SCFD2: variants seen among roughly 807,000 people sequenced by gnomAD.
The protein encoded by SCFD2 is sec1 family domain-containing protein 2.
In SCFD2, 54 loss-of-function variants were observed where a neutral mutation model predicts 58.9. That is an observed-to-expected ratio of 0.92 (90% confidence interval 0.74 to 1.15). The LOEUF (loss-of-function observed/expected upper bound fraction) is 1.15, where lower values mean the gene tolerates loss of function less well. Among genes scored for constraint, SCFD2 ranks in the 50% most tolerant of loss-of-function variants. The pLI is 0.00. For synonymous variants in SCFD2, 321 were observed against 335.9 expected, an observed-to-expected ratio of 0.96 and a Z score of 0.49; for missense variants, 805 against 836.6, an observed-to-expected ratio of 0.96 and a Z score of 0.47.
intron 3 of SCFD2, among the ~76,000 whole-genome samples, chr4:53,290,470 T>C (rs1026093687): frequency 8.5e-5 from 13 of 152,054 alleles, no homozygotes; most frequent in Non-Finnish European, 1.8e-4. Context: ...GGTGAAGCAA[T>C]AGCAGTTCTA....
chr4:53,094,995 G>C (rs1220375790), intron 5 of SCFD2, among the ~76,000 whole-genome samples: 1 of 152,008 alleles, frequency 6.6e-6, no homozygotes, highest in Non-Finnish European at 1.5e-5. Flanking sequence ...CTTTTACTTG[G>C]CTTTAAAGAC....
chr4:53,164,896 C>A (rs1726963019), intron 4 of SCFD2, among the ~76,000 whole-genome samples: 1 of 151,786 alleles, frequency 6.6e-6, no homozygotes, highest in South Asian at 2.1e-4. Flanking sequence ...CTAGAAAGAA[C>A]TAACAGATAA....
rs541440123 is a variant in SCFD2 at position 53,318,094 on chromosome 4, G to T, written c.1008-4331C>A. ...TATGAAAAGGTCAACAATAGATAAT[G>T]TAGAATTCATACACACTGAAAACTC... On this transcript the variant is annotated intron_variant, in intron 2 of 8. Coordinates refer to ENST00000401642, the MANE Select transcript of SCFD2 (RefSeq NM_152540.4). 3.2e-4 allele frequency among the ~76,000 whole-genome samples: 49 copies of T among 152,274 alleles called. 1 individual carries two copies. In the South Asian group the frequency reaches 9.9e-3, roughly 31 times the overall value.
chr4:53,036,118 G>A (rs1722753254), intron 5 of SCFD2, among the ~76,000 whole-genome samples: 1 of 151,854 alleles, frequency 6.6e-6, no homozygotes, highest in Admixed American at 6.6e-5. Context: ...GTGCAGGTTT[G>A]TTACATAGGT....
At chr4:53,211,620 G>A (rs1183157119) in intron 4 of SCFD2, among the ~76,000 whole-genome samples, 1 of 152,036 alleles carries the variant, frequency 6.6e-6, no homozygotes, top group African/African-American at 2.4e-5. Flanking sequence ...ATATCTCTGG[G>A]TAGATAGTGT....
chr4:52,886,533 C>T (rs190850947), intron 7 of SCFD2, among the ~76,000 whole-genome samples: 10 of 152,360 alleles, frequency 6.6e-5, no homozygotes, highest in Non-Finnish European at 1.5e-4. Context: ...AGCCAGTGCA[C>T]AAGCCAGGTA....
chr4:53,006,332 C>T (rs558019854), intron 5 of SCFD2, among the ~76,000 whole-genome samples: 4 of 152,204 alleles, frequency 2.6e-5, no homozygotes, highest in Non-Finnish European at 5.9e-5. Context: ...TCTACCATAG[C>T]TCTCTGAAGC....
At chr4:52,988,911 A>C (rs1721558781) in intron 5 of SCFD2, among the ~76,000 whole-genome samples, 1 of 152,194 alleles carries the variant, frequency 6.6e-6, no homozygotes, top group South Asian at 2.1e-4. Flanking sequence ...ATGTATGACT[A>C]TTTGCTGTTG....
chr4:53,046,040 A>G (rs1723029422), intron 5 of SCFD2, among the ~76,000 whole-genome samples: 1 of 152,132 alleles, frequency 6.6e-6, no homozygotes. Flanking sequence ...GAGGCTACAC[A>G]CAGCTATGAA....
At chr4:53,261,116 C>T (rs1730815966) in intron 4 of SCFD2, among the ~76,000 whole-genome samples, 2 of 152,052 alleles carry the variant, frequency 1.3e-5, no homozygotes, top group Admixed American at 6.6e-5. Context: ...CGTCTTTCTT[C>T]TTTTCTTGGT....
chr4:53,322,626 CTG>C (rs1179577353), intron 2 of SCFD2, among the ~76,000 whole-genome samples: 15 of 152,272 alleles, frequency 9.9e-5, no homozygotes, highest in African/African-American at 2.9e-4. Context: ...ATAAGAAAGA[CTG>C]TTTTTCATAT....
chr4:53,112,654 G>C (rs969597326), intron 5 of SCFD2, among the ~76,000 whole-genome samples: 13 of 152,078 alleles, frequency 8.5e-5, no homozygotes, highest in African/African-American at 3.1e-4. Flanking sequence ...TGAATCACTG[G>C]TTTGCCACTC....
chr4:53,094,803 T>G (rs1724570926), intron 5 of SCFD2, among the ~76,000 whole-genome samples: 1 of 151,940 alleles, frequency 6.6e-6, no homozygotes, highest in South Asian at 2.1e-4. Flanking sequence ...TTCCAAAGAG[T>G]TGTCCATATT....
intron 7 of SCFD2, 144 bp from the exon 8 acceptor site, chr4:52,886,010 G>A: frequency 1.0e-6 from 1 of 992,152 alleles, no homozygotes. Flanking sequence ...TAGGCAGACA[G>A]GGGTGGGTCC....
chr4:52,964,633 A>T (rs1720920396), intron 5 of SCFD2, among the ~76,000 whole-genome samples: 1 of 152,158 alleles, frequency 6.6e-6, no homozygotes, highest in Non-Finnish European at 1.5e-5. Flanking sequence ...AATATAGTCA[A>T]CTACTACAAT....
chr4:53,046,910 G>A (rs759275752), intron 5 of SCFD2, among the ~76,000 whole-genome samples: 3 of 152,112 alleles, frequency 2.0e-5, no homozygotes, highest in Admixed American at 6.6e-5. Flanking sequence ...GACCTCAGGT[G>A]ATCCACCTGC....
intron 5 of SCFD2, among the ~76,000 whole-genome samples, chr4:53,022,413 G>A (rs748679420): frequency 1.8e-4 from 27 of 152,106 alleles, no homozygotes; most frequent in Admixed American, 2.6e-4. Context: ...TAAAAATAAC[G>A]TGTGTTCCAA....
At chr4:52,910,166 A>ATTAAGGT (rs1281083324) in intron 6 of SCFD2, among the ~76,000 whole-genome samples, 5 of 152,260 alleles carry the variant, frequency 3.3e-5, no homozygotes, top group Non-Finnish European at 5.9e-5. Context: ...TAGCCATGTA[A>ATTAAGGT]TTAAGGTTTG....
At position 53,045,217 on chromosome 4, in the gene SCFD2, A is replaced by T. The variant is rs371394622; in HGVS notation, c.1561+100116T>A. On this transcript the variant is annotated intron_variant, in intron 5 of 8. Coordinates refer to ENST00000401642, the MANE Select transcript of SCFD2 (RefSeq NM_152540.4). Reference sequence around the variant, plus strand: ...GTTTCCTTTGTACGAGGTTTTACTAATATTGTTGCTTTTGATTGCATACAC... The same window carrying T: ...GTTTCCTTTGTACGAGGTTTTACTATTATTGTTGCTTTTGATTGCATACAC... Among the ~76,000 whole-genome samples, 18 of 152,264 alleles carry T rather than the reference A, an allele frequency of 1.2e-4. 1 individual carries two copies. The South Asian group carries it at 2.1e-3, about 18-fold the overall frequency.
Sources: allele counts gnomAD v4.1 joint callset (sites outside exome capture counted in the v4.1 genomes callset), GRCh38; gene constraint gnomAD v4.1.1; transcripts MANE v1.5; gene names NCBI Gene and HGNC (gene_info 2026-07-23, HGNC 2026-07-21).